SAMD11: variants seen among roughly 807,000 people sequenced by gnomAD.
SAMD11 encodes sterile alpha motif domain-containing protein 11.
In SAMD11, 77 loss-of-function variants were observed where a neutral mutation model predicts 64.4. The ratio of observed to expected loss-of-function variants is 1.20; its 90% CI spans 0.99 to 1.44. The LOEUF (loss-of-function observed/expected upper bound fraction) is 1.44. SAMD11 is among the 40% of genes most tolerant of loss of function. The pLI is 0.00. For missense variants in SAMD11, 1,402 were observed against 943.3 expected (o/e 1.49, Z -6.37); for synonymous variants, 658 against 421.9 (o/e 1.56, Z -6.86).
chr1:925,758 T>C, intron 1 of SAMD11, 164 bp from the exon 2 acceptor site: 1 of 612,748 alleles, frequency 1.6e-6, no homozygotes, highest in Non-Finnish European at 3.0e-6. Context: ...CCTGCGGCGT[T>C]CGCGAGGGTG....
chr1:938,484 C>T (rs1187490384), intron 5 of SAMD11, among the ~76,000 whole-genome samples: 1 of 152,120 alleles, frequency 6.6e-6, no homozygotes, highest in African/African-American at 2.4e-5. Flanking sequence ...AGGACGTGGG[C>T]CTTCTGGGGG....
At chr1:931,847 C>T (rs1569875002) in intron 4 of SAMD11, among the ~76,000 whole-genome samples, 2 of 152,196 alleles carry the variant, frequency 1.3e-5, no homozygotes, top group Admixed American at 1.3e-4. Flanking sequence ...TTGGGGGACC[C>T]GAGTTCCTGG....
At chr1:939,573 C>T in intron 7 of SAMD11, 161 bp downstream of exon 7, 1 of 1,327,516 alleles carries the variant, frequency 7.5e-7, no homozygotes, top group Non-Finnish European at 1.0e-6. Context: ...ATGCAGGTCC[C>T]TCTGCCACAC....
rs202118659 is a variant in SAMD11 at position 943,389 on chromosome 1, C to G, written c.2178+12C>G. On this transcript the variant is annotated intron_variant, in intron 12 of 13. Coordinates refer to ENST00000616016, the MANE Select transcript of SAMD11 (RefSeq NM_001385641.1). ...GAGAGTACACTCGGGTAAGGGGGGG[C>G]CCCAGTTCCTGGGGCGGGGCTGGAG... The G allele has an allele frequency of 1.6e-4, 243 of 1,522,390 alleles. 1 individual carries two copies. In the African/African-American group the frequency reaches 2.6e-3, roughly 16 times the overall value. The allele number at this position is 1,522,390 out of a possible 1,614,324, so 94.3% of individuals were successfully genotyped here. A position where few individuals can be genotyped will look rare whatever the true frequency, so the allele number is the denominator to read the frequency against.
chr1:944,259 CAAAA>C lies in SAMD11; in HGVS notation c.*109_*112del. The C allele has an allele frequency of 1.4e-6, 2 of 1,452,986 alleles. No homozygotes were observed. The highest frequency in any genetic ancestry group is 1.8e-6 in the Non-Finnish European group (2 of 1,104,400). 90.0% of individuals were successfully genotyped at this position (1,452,986 alleles called of 1,614,324 possible). A position where few individuals can be genotyped will look rare whatever the true frequency, so the allele number is the denominator to read the frequency against. The stretch of plus-strand genomic sequence containing the variant: ...ATTTCTTTCGGTTTCGGATGCAAAA[CAAAA>C]AATTTTAAAAGAAAATGTGACTTCA... On this transcript the variant is annotated 3_prime_UTR_variant, in exon 14 of 14. Transcript: ENST00000616016.
intron 4 of SAMD11, among the ~76,000 whole-genome samples, chr1:932,964 G>A (rs1278444489): frequency 1.3e-5 from 2 of 152,180 alleles, no homozygotes; most frequent in Non-Finnish European, 1.5e-5. Flanking sequence ...GGGCGGTGGC[G>A]GGAGGCCCAT....
intron 12 of SAMD11, 109 bp downstream of exon 12, chr1:943,486 CA>C: frequency 9.2e-7 from 1 of 1,085,158 alleles, no homozygotes; most frequent in South Asian, 1.6e-5. Flanking sequence ...TCTCCCTCCC[CA>C]AAAGCAGTGC....
chr1:937,723 A>C (rs1011330664), intron 5 of SAMD11, among the ~76,000 whole-genome samples: 2 of 151,996 alleles, frequency 1.3e-5, no homozygotes, highest in African/African-American at 4.8e-5. Flanking sequence ...GGGCCCAGCC[A>C]CCCGATCTGT....
intron 2 of SAMD11, among the ~76,000 whole-genome samples, chr1:927,276 C>T (rs893333897): frequency 1.3e-5 from 2 of 152,204 alleles, no homozygotes; most frequent in African/African-American, 4.8e-5. Flanking sequence ...GAGAGGGCTC[C>T]TCTGGGCAGC....
At chr1:937,450 C>A (rs1018120060) in intron 5 of SAMD11, among the ~76,000 whole-genome samples, 4 of 151,776 alleles carry the variant, frequency 2.6e-5, no homozygotes, top group African/African-American at 9.7e-5. Flanking sequence ...CTTAGCCCCC[C>A]ACAGAACGGA....
rs972012141 is a variant in SAMD11, at chr1:942,768, G to A, written c.1763G>A (p.Arg588Gln). Reference protein sequence around the residue: ...PPGSGPPTPSRDSARRAPRKG... With the variant: ...PPGSGPPTPSQDSARRAPRKG... The stretch of plus-strand genomic sequence containing the variant: ...GGCTCCGGACCCCCCACCCCGTCCC[G>A]GGACTCTGCCCGGCGAGCCCCCCGG... The change falls in exon 11 of 14, where the codon CGG becomes CAG. Residue 588 changes from arginine to glutamine, a missense_variant. Transcript: ENST00000616016. 3 of 1,531,436 alleles carry A rather than the reference G, an allele frequency of 2.0e-6. No homozygotes were observed. The highest frequency in any genetic ancestry group is 1.9e-4 in the Middle Eastern group (1 of 5,318). The allele number at this position is 1,531,436 out of a possible 1,614,324, so 94.9% of individuals were successfully genotyped here.
intron 5 of SAMD11, 135 bp downstream of exon 5, chr1:936,031 T>A (rs1641416965): frequency 1.1e-6 from 1 of 918,334 alleles, no homozygotes; most frequent in East Asian, 2.7e-5. Context: ...AGGGGCTGCA[T>A]GGGATGGTAA....
chr1:930,362 A>C, intron 3 of SAMD11, 26 bp downstream of exon 3: 1 of 1,575,890 alleles, frequency 6.3e-7, no homozygotes, highest in East Asian at 2.3e-5. Flanking sequence ...CCGGACAGGA[A>C]GGCGCAAGGC....
intron 2 of SAMD11, among the ~76,000 whole-genome samples, chr1:927,996 C>A (rs1030201405): frequency 2.6e-5 from 4 of 152,228 alleles, no homozygotes; most frequent in African/African-American, 9.7e-5. Flanking sequence ...CCAGCCAGCC[C>A]TGGCCTCCTT....
intron 2 of SAMD11, 63 bp from the exon 3 acceptor site, chr1:930,092 C>T: frequency 1.3e-6 from 2 of 1,499,440 alleles, no homozygotes; most frequent in Non-Finnish European, 1.8e-6. Flanking sequence ...GCCCCACCTT[C>T]CTCTCCTCCT....
chr1:941,968 T>G, intron 8 of SAMD11, 168 bp from the exon 9 acceptor site: 1 of 358,992 alleles, frequency 2.8e-6, no homozygotes, highest in Non-Finnish European at 5.0e-6. Flanking sequence ...CCGAGATTAA[T>G]TGGCGCCGCC....
intron 5 of SAMD11, among the ~76,000 whole-genome samples, chr1:937,507 T>C (rs1210971689): frequency 6.9e-6 from 1 of 145,244 alleles, no homozygotes; most frequent in Non-Finnish European, 1.5e-5. Context: ...TGCCAGGAGG[T>C]GAGAGGCCTT....
chr1:925,622 C>T (rs1557598571), intron 1 of SAMD11: 6 of 299,478 alleles, frequency 2.0e-5, no homozygotes, highest in Admixed American at 4.7e-5. Context: ...CTGGGCCCGG[C>T]CTGCGGTTCC....
At chr1:936,142 C>A (rs1641424850) in intron 5 of SAMD11, among the ~76,000 whole-genome samples, 1 of 152,332 alleles carries the variant, frequency 6.6e-6, no homozygotes, top group Non-Finnish European at 1.5e-5. Context: ...CCCTGCCACC[C>A]CCTTTCCACA....
Sources: allele counts gnomAD v4.1 joint callset (sites outside exome capture counted in the v4.1 genomes callset), GRCh38; gene constraint gnomAD v4.1.1; transcripts MANE v1.5; gene names NCBI Gene and HGNC (gene_info 2026-07-23, HGNC 2026-07-21).